Variants in MEIS2 observed in about 807,000 individuals in gnomAD.
MEIS2 encodes the protein Meis homeobox 2, also known as homeobox protein Meis2.
In MEIS2, 9 loss-of-function variants were observed where a neutral mutation model predicts 58.6. The ratio of observed to expected loss-of-function variants is 0.15; its 90% CI spans 0.09 to 0.27. The LOEUF is 0.27. Among genes scored for constraint, MEIS2 ranks in the 10% least tolerant of loss-of-function variants. The pLI is 1.00. For synonymous variants in MEIS2, 221 were observed against 228.4 expected, an observed-to-expected ratio of 0.97 and a Z score of 0.29; for missense variants, 427 against 635.0, an observed-to-expected ratio of 0.67 and a Z score of 3.52.
At chr15:36,991,203 T>C (rs1315565736) in intron 8 of MEIS2, among the ~76,000 whole-genome samples, 1 of 152,004 alleles carries the variant, frequency 6.6e-6, no homozygotes, top group African/African-American at 2.4e-5. Context: ...AAGCAATCCA[T>C]AGAGTGATAT....
chr15:37,006,834 G>A (rs1209659083), intron 8 of MEIS2, among the ~76,000 whole-genome samples: 3 of 152,198 alleles, frequency 2.0e-5, no homozygotes, highest in African/African-American at 7.2e-5. Flanking sequence ...ATGAAAACAT[G>A]TACTGCTTCA....
intron 9 of MEIS2, among the ~76,000 whole-genome samples, chr15:36,926,350 C>G (rs1426149529): frequency 6.6e-6 from 1 of 151,532 alleles, no homozygotes; most frequent in African/African-American, 2.4e-5. Context: ...TTCAAAAAAA[C>G]AAGGTTTGGA....
intron 11 of MEIS2, chr15:36,894,648 C>T: frequency 2.3e-6 from 3 of 1,308,000 alleles, no homozygotes; most frequent in Non-Finnish European, 3.2e-6. Flanking sequence ...AAAATGGGGG[C>T]AAATTATAAA....
chr15:37,003,149 T>G (rs2141603537), intron 8 of MEIS2, among the ~76,000 whole-genome samples: 1 of 152,252 alleles, frequency 6.6e-6, no homozygotes, highest in Admixed American at 6.5e-5. Context: ...CACCCTCTGA[T>G]TATTCTGCCC....
rs150761056 is a variant in MEIS2 at position 37,075,622 on chromosome 15, C to G, written c.754+8149G>C. Among the ~76,000 whole-genome samples, 382 of 152,060 alleles carry G rather than the reference C, an allele frequency of 2.5e-3. 1 individual carries two copies. The highest frequency in any genetic ancestry group is 8.7e-3 in the African/African-American group (362 of 41,488). On this transcript the variant is annotated intron_variant, in intron 7 of 11. Transcript: ENST00000561208. ...TTTTGTTTATTGCTTCAAAAATGGA[C>G]ATACTAATGCCAGATAATCGAAGAA...
intron 7 of MEIS2, among the ~76,000 whole-genome samples, chr15:37,067,454 G>A (rs1890104176): frequency 6.6e-6 from 1 of 151,946 alleles, no homozygotes; most frequent in African/African-American, 2.4e-5. Context: ...TTATGTCTGA[G>A]CCCATAACCT....
Position 36,895,161 on chromosome 15 carries a change from G to C in MEIS2, c.1137C>G (p.Ile379Met). 1 of 1,613,880 alleles carries C rather than the reference G, an allele frequency of 6.2e-7. No individual in the cohort carries two copies. Among genetic ancestry groups the C allele is most frequent in the Non-Finnish European group, 8.5e-7 (1 of 1,179,994 alleles). Residue 379 changes from isoleucine to methionine, a missense_variant, in exon 11 of 12, where the codon ATC becomes ATG. This residue lies in a region of MEIS2 where 154 missense variants were observed against 148.1 expected (regional missense o/e 1.04). Transcript: ENST00000561208. ...FVLDGQQHMG[I>M]RPAGLQSMPG... is the part of the protein sequence containing the mutation. Reference sequence around the variant, plus strand: ...GATGAGCCAACCTACCTGCAGGCCGGATCCCCATGTGTTGCTGACCATCCA... The same window carrying C: ...GATGAGCCAACCTACCTGCAGGCCGCATCCCCATGTGTTGCTGACCATCCA...
chr15:36,961,771 T>C (rs944711596), intron 8 of MEIS2, among the ~76,000 whole-genome samples: 2 of 152,078 alleles, frequency 1.3e-5, no homozygotes, highest in African/African-American at 2.4e-5. Context: ...GAAAGAGAAA[T>C]AATGGTGGAC....
intron 8 of MEIS2, among the ~76,000 whole-genome samples, chr15:37,009,493 G>C (rs2061053771): frequency 6.6e-6 from 1 of 152,148 alleles, no homozygotes; most frequent in Non-Finnish European, 1.5e-5. Flanking sequence ...AGCACTGCTA[G>C]GATACCTAAG....
At chr15:36,917,575 C>T (rs988064799) in intron 9 of MEIS2, among the ~76,000 whole-genome samples, 3 of 152,168 alleles carry the variant, frequency 2.0e-5, no homozygotes, top group African/African-American at 7.2e-5. Flanking sequence ...CCATCAGGAT[C>T]CTTAAATGCA....
chr15:36,982,724 T>G lies in MEIS2; in HGVS notation c.901-32324A>C, dbSNP rs1017826080. Among the ~76,000 whole-genome samples, 7 of 152,160 alleles carry G rather than the reference T, an allele frequency of 4.6e-5. No homozygotes were observed. The South Asian group carries it at 1.0e-3, about 22-fold the overall frequency. The stretch of plus-strand genomic sequence containing the variant: ...CTATTTTTAATTTTTCTGAGGAACC[T>G]TCATACTATTTTCCATAATGGCTAT... On this transcript the variant is annotated intron_variant, in intron 8 of 11. Transcript: ENST00000561208.
chr15:37,006,101 T>C (rs905667815), intron 8 of MEIS2, among the ~76,000 whole-genome samples: 2 of 152,228 alleles, frequency 1.3e-5, no homozygotes, highest in Admixed American at 1.3e-4. Context: ...ACATAAACTC[T>C]GAAACAAATA....
At chr15:37,098,881 G>C in intron 1 of MEIS2, 1 of 983,290 alleles carries the variant, frequency 1.0e-6, no homozygotes, top group South Asian at 4.7e-5. Context: ...GGGTGGGGGG[G>C]CGAATAACGT....
intron 8 of MEIS2, among the ~76,000 whole-genome samples, chr15:36,973,143 G>T (rs1057394456): frequency 5.3e-5 from 8 of 152,156 alleles, no homozygotes; most frequent in African/African-American, 1.9e-4. Flanking sequence ...AATAATACCT[G>T]CTTTACAGGT....
intron 6 of MEIS2, among the ~76,000 whole-genome samples, chr15:37,088,423 T>C (rs1350418901): frequency 1.3e-5 from 2 of 152,192 alleles, no homozygotes; most frequent in African/African-American, 2.4e-5. Flanking sequence ...TCCCATAACT[T>C]TATAATGTTT....
chr15:37,025,305 C>T (rs533923129), intron 8 of MEIS2, among the ~76,000 whole-genome samples: 4 of 152,300 alleles, frequency 2.6e-5, no homozygotes, highest in South Asian at 4.2e-4. Context: ...GGTAAGAAAA[C>T]GAGCACTCAG....
chr15:36,943,488 C>T (rs1433575715), intron 9 of MEIS2, among the ~76,000 whole-genome samples: 1 of 152,010 alleles, frequency 6.6e-6, no homozygotes, highest in African/African-American at 2.4e-5. Context: ...TATTTAGAGA[C>T]TCTGCAAAAA....
At chr15:36,892,598 G>A (rs2055934100) in intron 11 of MEIS2, 139 bp from the exon 12 acceptor site, 1 of 764,266 alleles carries the variant, frequency 1.3e-6, no homozygotes, top group Admixed American at 2.8e-5. Flanking sequence ...GCAGATTCTT[G>A]CCAATGTTTG....
intron 8 of MEIS2, among the ~76,000 whole-genome samples, chr15:36,971,940 G>A (rs1044375359): frequency 2.0e-5 from 3 of 152,076 alleles, no homozygotes; most frequent in African/African-American, 2.4e-5. Flanking sequence ...TGTCATCCTC[G>A]GTTAAAACTT....
Sources: allele counts gnomAD v4.1 joint callset (sites outside exome capture counted in the v4.1 genomes callset), GRCh38; gene constraint gnomAD v4.1.1; regional missense constraint gnomAD v4.1.1; transcripts MANE v1.5; gene names NCBI Gene and HGNC (gene_info 2026-07-23, HGNC 2026-07-21).